Variants in SEMA5A observed in about 807,000 individuals in gnomAD.
SEMA5A encodes the protein semaphorin-5A.
SEMA5A carries 55 observed loss-of-function variants against 135.5 expected under a neutral mutation model. That is an observed-to-expected ratio of 0.41 (90% CI 0.33 to 0.51). SEMA5A has a LOEUF of 0.51. SEMA5A is among the 20% of genes least tolerant of loss of function. The pLI is 0.37. For synonymous variants in SEMA5A, 580 were observed against 546.5 expected (o/e 1.06, Z -0.85); for missense variants, 1,290 against 1,419.9 (o/e 0.91, Z 1.47).
chr5:9,044,559 G>A lies in SEMA5A; in HGVS notation c.2919C>T (p.Ala973=), dbSNP rs747831066. The A allele has an allele frequency of 3.5e-5, 57 of 1,613,864 alleles. No homozygotes were observed. Among genetic ancestry groups the A allele is most frequent in the African/African-American group, 5.3e-5 (4 of 74,872 alleles). Residue 973 remains alanine, a synonymous_variant, in exon 22 of 23, where the codon GCC becomes GCT. Coordinates refer to ENST00000382496, the MANE Select transcript of SEMA5A (RefSeq NM_003966.3). ...CGAGGATGGAGCTGCTCAGCCCCACGGCGATCATGTGGAACATGTTGAACT... is the reference window on the plus strand; with the variant it reads ...CGAGGATGGAGCTGCTCAGCCCCACAGCGATCATGTGGAACATGTTGAACT... ...CGEFNMFHMI[A]VGLSSSILGC...
At chr5:9,361,192 G>A (rs374074753) in intron 3 of SEMA5A, among the ~76,000 whole-genome samples, 1 of 151,850 alleles carries the variant, frequency 6.6e-6, no homozygotes, top group African/African-American at 2.4e-5. Flanking sequence ...CCAGCTACTC[G>A]GGAGGCTGTG....
At chr5:9,504,188 C>T (rs1365020633) in intron 1 of SEMA5A, among the ~76,000 whole-genome samples, 2 of 142,278 alleles carry the variant, frequency 1.4e-5, no homozygotes, top group African/African-American at 5.3e-5. Context: ...CCACTCCAGC[C>T]TGGGACAGAG....
intron 1 of SEMA5A, among the ~76,000 whole-genome samples, chr5:9,538,379 C>A (rs1242566462): frequency 2.0e-5 from 3 of 152,082 alleles, no homozygotes; most frequent in African/African-American, 7.2e-5. Context: ...AAGTTACCTG[C>A]CACTCCAGCT....
chr5:9,178,305 A>C (rs1744311822), intron 11 of SEMA5A, among the ~76,000 whole-genome samples: 1 of 150,780 alleles, frequency 6.6e-6, no homozygotes, highest in South Asian at 2.1e-4. Flanking sequence ...AAAATGTATA[A>C]GCTCTCTTTC....
chr5:9,498,037 T>C (rs1441420655), intron 1 of SEMA5A, among the ~76,000 whole-genome samples: 1 of 152,216 alleles, frequency 6.6e-6, no homozygotes, highest in Non-Finnish European at 1.5e-5. Flanking sequence ...GGGTATATTG[T>C]AAATATTTTT....
At position 9,066,406 on chromosome 5, in the gene SEMA5A, G is replaced by C; in HGVS notation, c.2299+15C>G. ...TCCATGGAAGTGGGTCAGTCCCCAC[G>C]GAATCACTACTCACCATCTGTGGAG... On this transcript the variant is annotated intron_variant, in intron 17 of 22. Transcript: ENST00000382496. 1 of 1,611,886 alleles carries C rather than the reference G, an allele frequency of 6.2e-7. No homozygotes were observed. Among genetic ancestry groups the C allele is most frequent in the Non-Finnish European group, 8.5e-7 (1 of 1,177,986 alleles).
chr5:9,108,958 T>G (rs1051779067), intron 15 of SEMA5A, among the ~76,000 whole-genome samples: 1 of 151,818 alleles, frequency 6.6e-6, no homozygotes, highest in African/African-American at 2.4e-5. Context: ...CTTCTACATA[T>G]TTTTCCAAAT....
Position 9,197,275 on chromosome 5 carries a change from C to G in SEMA5A, c.961G>C (p.Val321Leu). Reference sequence around the variant, plus strand: ...TGCGCGATGGCGCTCAGGTTGAAGACGCACACAGCTGAGGCCGCAATGCTG... The same window carrying G: ...TGCGCGATGGCGCTCAGGTTGAAGAGGCACACAGCTGAGGCCGCAATGCTG... ...VNSIAASAVC[V>L]FNLSAIAQAF... is the part of the protein sequence containing the mutation. Residue 321 changes from valine to leucine, a missense_variant, in exon 10 of 23, where the codon GTC becomes CTC. Physicochemically the swap from Val to Leu is conservative, Grantham distance 32. Around this residue, in one of 3 missense-constraint regions of SEMA5A, gnomAD observed 1,029 missense variants for 1,086.6 expected, o/e 0.95. Transcript: ENST00000382496. The G allele has an allele frequency of 1.2e-6, 2 of 1,613,956 alleles. No individual in the cohort carries two copies. Among genetic ancestry groups the G allele is most frequent in the Non-Finnish European group, 1.7e-6 (2 of 1,179,992 alleles).
chr5:9,255,414 C>T (rs958695125), intron 5 of SEMA5A, among the ~76,000 whole-genome samples: 3 of 152,132 alleles, frequency 2.0e-5, no homozygotes, highest in Non-Finnish European at 4.4e-5. Flanking sequence ...CTTTGTTGAG[C>T]GTGAGAAACA....
intron 2 of SEMA5A, among the ~76,000 whole-genome samples, chr5:9,422,885 T>C (rs939622239): frequency 6.6e-6 from 1 of 152,204 alleles, no homozygotes; most frequent in Non-Finnish European, 1.5e-5. Flanking sequence ...CACTTTTCTT[T>C]CACTGACTCC....
intron 4 of SEMA5A, among the ~76,000 whole-genome samples, chr5:9,323,477 G>A (rs2150681587): frequency 6.6e-6 from 1 of 152,078 alleles, no homozygotes; most frequent in African/African-American, 2.4e-5. Flanking sequence ...ATCAGTTGAT[G>A]AAGCTTTCTT....
intron 16 of SEMA5A, among the ~76,000 whole-genome samples, chr5:9,103,032 G>C (rs1406322025): frequency 1.3e-5 from 2 of 152,088 alleles, no homozygotes; most frequent in African/African-American, 4.8e-5. Context: ...TACTTTCATG[G>C]GTATGAGATA....
chr5:9,180,324 T>C (rs1744433973), intron 11 of SEMA5A, among the ~76,000 whole-genome samples: 1 of 152,230 alleles, frequency 6.6e-6, no homozygotes. Flanking sequence ...TATTGGTTGC[T>C]GCAATTATTC....
intron 1 of SEMA5A, among the ~76,000 whole-genome samples, chr5:9,535,918 T>C (rs1220216844): frequency 6.6e-6 from 1 of 152,140 alleles, no homozygotes; most frequent in Non-Finnish European, 1.5e-5. Flanking sequence ...TGAATAGCCA[T>C]ACGTGCCTGT....
At chr5:9,325,943 T>C (rs752974666) in intron 4 of SEMA5A, among the ~76,000 whole-genome samples, 1 of 152,218 alleles carries the variant, frequency 6.6e-6, no homozygotes, top group African/African-American at 2.4e-5. Flanking sequence ...CAGAAGCCGA[T>C]AAAATGTATA....
intron 5 of SEMA5A, among the ~76,000 whole-genome samples, chr5:9,301,669 C>T (rs1422293120): frequency 1.3e-5 from 2 of 152,076 alleles, no homozygotes; most frequent in African/African-American, 4.8e-5. Context: ...AGGCACAGTG[C>T]AATGTCATTA....
intron 1 of SEMA5A, among the ~76,000 whole-genome samples, chr5:9,486,129 A>G (rs1475504025): frequency 6.6e-6 from 1 of 152,174 alleles, no homozygotes; most frequent in East Asian, 1.9e-4. Flanking sequence ...AGGGACATGG[A>G]TGAAATTGAA....
intron 16 of SEMA5A, among the ~76,000 whole-genome samples, chr5:9,097,527 G>T (rs1401354593): frequency 1.3e-5 from 2 of 152,202 alleles, no homozygotes; most frequent in African/African-American, 4.8e-5. Context: ...TTTTAGAAAG[G>T]TATTGGAAAT....
rs181429612 is a variant in SEMA5A at position 9,141,552 on chromosome 5, A to G, written c.1482-4931T>C. Reference sequence around the variant, plus strand: ...AGATAAAAATGTTAGTCAGAATCCGAAGGTTTAATTTTTTTCAAAAACACA... The same window carrying G: ...AGATAAAAATGTTAGTCAGAATCCGGAGGTTTAATTTTTTTCAAAAACACA... On this transcript the variant is annotated intron_variant, in intron 12 of 22. Transcript: ENST00000382496. Among the ~76,000 whole-genome samples the G allele has an allele frequency of 2.5e-3, 382 of 152,272 alleles. 4 individuals carry two copies. The highest frequency in any genetic ancestry group is 4.1e-3 in the Non-Finnish European group (280 of 68,002).
Sources: allele counts gnomAD v4.1 joint callset (sites outside exome capture counted in the v4.1 genomes callset), GRCh38; gene constraint gnomAD v4.1.1; regional missense constraint gnomAD v4.1.1; transcripts MANE v1.5; gene names NCBI Gene and HGNC (gene_info 2026-07-23, HGNC 2026-07-21).